Variants in SPATA13 observed in about 807,000 individuals in gnomAD.
SPATA13 encodes spermatogenesis associated 13, also known as spermatogenesis-associated protein 13.
In SPATA13, 50 loss-of-function variants were observed where a neutral mutation model predicts 104.0. The observed-to-expected ratio is 0.48, with a 90% CI of 0.38 to 0.61. SPATA13 has a LOEUF of 0.61. Among genes scored for constraint, SPATA13 ranks in the 20% least tolerant of loss-of-function variants. The probability of loss-of-function intolerance (pLI) is 0.00; values close to 1 mark genes in which losing one functional copy is unlikely to be tolerated. For synonymous variants in SPATA13, 606 were observed against 667.5 expected (o/e 0.91, Z 1.42); for missense variants, 1,524 against 1,690.6 (o/e 0.90, Z 1.73).
chr13:24,115,457 G>A (rs1421836962), intron 3 of SPATA13, among the ~76,000 whole-genome samples: 1 of 152,266 alleles, frequency 6.6e-6, no homozygotes, highest in Non-Finnish European at 1.5e-5. Context: ...TCTCATAGGA[G>A]CGTGAACCCT....
intron 2 of SPATA13, among the ~76,000 whole-genome samples, chr13:23,992,679 G>A (rs1268915014): frequency 1.3e-5 from 2 of 152,126 alleles, no homozygotes; most frequent in Non-Finnish European, 2.9e-5. Context: ...ATGTGCTACA[G>A]CCCCTCCCTG....
At chr13:24,043,904 C>T (rs887537001) in intron 3 of SPATA13, among the ~76,000 whole-genome samples, 23 of 152,210 alleles carry the variant, frequency 1.5e-4, no homozygotes, top group African/African-American at 5.1e-4. Context: ...GGGTAGGTGG[C>T]AACTTTAACT....
chr13:24,199,804 T>G (rs1218490909), intron 1 of SPATA13, among the ~76,000 whole-genome samples: 1 of 152,240 alleles, frequency 6.6e-6, no homozygotes, highest in Non-Finnish European at 1.5e-5. Flanking sequence ...TCAAATAAAT[T>G]GCTTTTGTTT....
intron 2 of SPATA13, among the ~76,000 whole-genome samples, chr13:24,008,828 G>C (rs573220489): frequency 1.3e-5 from 2 of 152,206 alleles, no homozygotes; most frequent in East Asian, 3.9e-4. Flanking sequence ...TGCAGCTCCT[G>C]TCCATGAAAA....
intron 4 of SPATA13, among the ~76,000 whole-genome samples, chr13:24,279,277 G>A (rs1449052062): frequency 6.6e-6 from 1 of 152,196 alleles, no homozygotes; most frequent in Non-Finnish European, 1.5e-5. Flanking sequence ...TGGGCAAGGA[G>A]TGCCTGCGGT....
rs1007758775 is a variant in SPATA13, at chr13:24,073,240, T to C, written c.-112+55539T>C. Among the ~76,000 whole-genome samples, 7 of 152,132 alleles carry C rather than the reference T, an allele frequency of 4.6e-5. No individual in the cohort carries two copies. In the South Asian group the frequency reaches 1.2e-3, roughly 27 times the overall value. On this transcript the variant is annotated intron_variant, in intron 3 of 14. Transcript: ENST00000424834. ...CTGCTCTGTACTGTTCACCTTGCAA[T>C]TTAAAAAAAATTTCTAGGTTTGTGA...
intron 3 of SPATA13, among the ~76,000 whole-genome samples, chr13:24,250,762 T>C (rs1477518603): frequency 6.6e-6 from 1 of 152,230 alleles, no homozygotes; most frequent in East Asian, 1.9e-4. Context: ...CAGAATATCA[T>C]GAAAATGTTA....
intron 1 of SPATA13, among the ~76,000 whole-genome samples, chr13:24,194,070 G>A (rs377160791): frequency 6.6e-6 from 1 of 152,156 alleles, no homozygotes. Flanking sequence ...TTCAGTAGCC[G>A]AGTCTGTGGT....
At chr13:24,104,582 T>C (rs913237235) in intron 3 of SPATA13, among the ~76,000 whole-genome samples, 1 of 152,206 alleles carries the variant, frequency 6.6e-6, no homozygotes, top group Non-Finnish European at 1.5e-5. Context: ...CGATTCCTTT[T>C]CATTTACTCC....
intron 3 of SPATA13, among the ~76,000 whole-genome samples, chr13:24,126,635 C>T (rs1012928959): frequency 2.0e-5 from 3 of 152,184 alleles, no homozygotes; most frequent in African/African-American, 7.2e-5. Flanking sequence ...TGGCTCACTG[C>T]AGCCTAGAGC....
intron 1 of SPATA13, among the ~76,000 whole-genome samples, chr13:24,198,273 G>A (rs189323535): frequency 2.6e-4 from 40 of 152,230 alleles, no homozygotes; most frequent in East Asian, 2.5e-3. Flanking sequence ...GATTACAGGC[G>A]TGAGCCACCG....
chr13:24,210,475 A>T (rs1174338847), intron 1 of SPATA13, among the ~76,000 whole-genome samples: 1 of 152,116 alleles, frequency 6.6e-6, no homozygotes, highest in Non-Finnish European at 1.5e-5. Context: ...ATTATTTTGC[A>T]TGTGGATATT....
chr13:24,038,066 C>A (rs1474133442), intron 3 of SPATA13, among the ~76,000 whole-genome samples: 2 of 152,064 alleles, frequency 1.3e-5, no homozygotes, highest in Admixed American at 6.5e-5. Flanking sequence ...CGCCTGCCAC[C>A]ATGCCCAGCT....
chr13:24,026,786 C>T (rs1303520031), intron 3 of SPATA13, among the ~76,000 whole-genome samples: 1 of 151,786 alleles, frequency 6.6e-6, no homozygotes, highest in African/African-American at 2.4e-5. Flanking sequence ...ACCGTGTTAG[C>T]CAGGATGGTC....
chr13:24,214,821 T>C (rs1871195223), intron 1 of SPATA13, among the ~76,000 whole-genome samples: 1 of 152,244 alleles, frequency 6.6e-6, no homozygotes, highest in Non-Finnish European at 1.5e-5. Flanking sequence ...CTTTCCTTTT[T>C]GAGATTCAAC....
rs541542251 is a variant in SPATA13, at chr13:24,231,781, T to C, written c.1653+7199T>C. ...CCAGGACTTGGTATTGTCAGTATTC[T>C]GGACTCTAGCTATTCCAGCGGGTGT... On this transcript the variant is annotated intron_variant, in intron 2 of 12. Coordinates refer to ENST00000382108, the MANE Select transcript of SPATA13 (RefSeq NM_001166271.3). Among the ~76,000 whole-genome samples the C allele has an allele frequency of 2.6e-5, 4 of 152,370 alleles. No homozygotes were observed. In the South Asian group the frequency reaches 8.3e-4, roughly 32 times the overall value.
intron 3 of SPATA13, among the ~76,000 whole-genome samples, chr13:24,076,709 G>GATCCGC (rs1879340210): frequency 6.6e-6 from 1 of 151,704 alleles, no homozygotes; most frequent in Non-Finnish European, 1.5e-5. Context: ...AGGAAGGAAG[G>GATCCGC]ATCCGCTCAC....
chr13:24,286,887 C>T lies in SPATA13; in HGVS notation c.2604C>T (p.Asn868=), dbSNP rs371788710. Residue 868 remains asparagine, a synonymous_variant, in exon 7 of 13, where the codon AAC becomes AAT. Transcript: ENST00000382108. The surrounding 1 kb of genome is among the most constrained non-coding windows in gnomAD (Gnocchi z 4.9). ...AGAACAAGCAGCAGATGCGGACCAACGTCATCCGGGAGATCATGGACACCG... is the reference window on the plus strand; with the variant it reads ...AGAACAAGCAGCAGATGCGGACCAATGTCATCCGGGAGATCATGGACACCG... ...HCENKQQMRT[N]VIREIMDTER... 67 of 1,613,784 alleles carry T rather than the reference C, an allele frequency of 4.2e-5. No homozygotes were observed. The highest frequency in any genetic ancestry group is 5.3e-5 in the Non-Finnish European group (62 of 1,180,032).
intron 3 of SPATA13, among the ~76,000 whole-genome samples, chr13:24,046,551 T>C (rs948188530): frequency 3.3e-5 from 5 of 151,230 alleles, no homozygotes; most frequent in South Asian, 2.1e-4. Context: ...TGGTGTGTAC[T>C]CTTTTGTGTC....
Sources: allele counts gnomAD v4.1 joint callset (sites outside exome capture counted in the v4.1 genomes callset), GRCh38; gene constraint gnomAD v4.1.1; non-coding constraint Gnocchi (gnomAD v3.1); transcripts MANE v1.5; gene names NCBI Gene and HGNC (gene_info 2026-07-23, HGNC 2026-07-21).